Variants in AFF2 observed in about 807,000 individuals in gnomAD.
AFF2 encodes AF4/FMR2 family member 2.
In AFF2, 14 loss-of-function variants were observed where a neutral mutation model predicts 76.9. That is an observed-to-expected ratio of 0.18 (90% CI 0.12 to 0.28). AFF2 has a LOEUF of 0.28. Among genes scored for constraint, AFF2 ranks in the 10% least tolerant of loss-of-function variants. The probability of loss-of-function intolerance (pLI) is 1.00; values close to 1 mark genes in which losing one functional copy is unlikely to be tolerated. For synonymous variants in AFF2, 398 were observed against 366.7 expected (o/e 1.09, Z -0.98); for missense variants, 868 against 1,001.1 (o/e 0.87, Z 1.79).
intron 3 of AFF2, among the ~76,000 whole-genome samples, chrX:148,701,280 T>C (rs1557261858): frequency 2.7e-5 from 3 of 111,724 alleles, no homozygotes; most frequent in African/African-American, 9.8e-5. Context: ...GTGTGGAAAA[T>C]GTTCGACCCA....
chrX:148,798,107 C>G (rs1480404898), intron 3 of AFF2, among the ~76,000 whole-genome samples: 1 of 111,777 alleles, frequency 8.9e-6, no homozygotes, highest in Non-Finnish European at 1.9e-5. Flanking sequence ...GGCCTTCTTT[C>G]TGCATTATAA....
chrX:148,611,040 T>C (rs1004096763), intron 1 of AFF2, among the ~76,000 whole-genome samples: 1 of 111,812 alleles, frequency 8.9e-6, no homozygotes, highest in Non-Finnish European at 1.9e-5. Flanking sequence ...GTTTTTCAAA[T>C]ATTGCTCTGT....
Position 148,587,588 on chromosome X carries a change from G to T in AFF2, c.48-64411G>T, listed in dbSNP as rs1344495949. ...GAATACTATATCTTGAAAAAGGCCT[G>T]TAGTGAAAGTTTGAGTTGAACCCTT... On this transcript the variant is annotated intron_variant, in intron 1 of 20. Transcript: ENST00000370460. 3.1e-4 allele frequency among the ~76,000 whole-genome samples: 35 copies of T among 112,041 alleles called. 2 individuals are homozygous for T. The highest frequency in any genetic ancestry group is 3.1e-3 in the Admixed American group (33 of 10,601).
chrX:148,854,664 C>A (rs781938583), intron 7 of AFF2, among the ~76,000 whole-genome samples: 2 of 111,482 alleles, frequency 1.8e-5, no homozygotes, highest in African/African-American at 6.5e-5. Flanking sequence ...GGCATAAAAG[C>A]TGAGATCATA....
At chrX:148,680,716 A>G (rs1217836701) in intron 3 of AFF2, among the ~76,000 whole-genome samples, 1 of 111,479 alleles carries the variant, frequency 9.0e-6, no homozygotes, top group Non-Finnish European at 1.9e-5. Context: ...AAAATGAAGT[A>G]AAAAATCAGG....
intron 1 of AFF2, among the ~76,000 whole-genome samples, chrX:148,629,240 G>A (rs577547729): frequency 6.5e-4 from 72 of 110,646 alleles, no homozygotes; most frequent in Middle Eastern, 9.4e-3. Context: ...CTCTGAAAGC[G>A]TACTTTCAAC....
intron 19 of AFF2, among the ~76,000 whole-genome samples, chrX:148,982,418 G>T (rs1235651494): frequency 8.9e-6 from 1 of 112,162 alleles, no homozygotes; most frequent in Non-Finnish European, 1.9e-5. Context: ...CAGTCCAGTG[G>T]AAGGAGGTGA....
At chrX:148,703,429 C>G (rs945583108) in intron 3 of AFF2, among the ~76,000 whole-genome samples, 1 of 111,859 alleles carries the variant, frequency 8.9e-6, no homozygotes, top group Non-Finnish European at 1.9e-5. Context: ...ATATCTGTTT[C>G]CCACGTTTCA....
intron 3 of AFF2, among the ~76,000 whole-genome samples, chrX:148,693,186 G>GGATT (rs1369994168): frequency 9.0e-6 from 1 of 111,389 alleles, no homozygotes; most frequent in African/African-American, 3.3e-5. Context: ...CAAAGTGCTG[G>GGATT]GATTACAGGC....
chrX:148,953,817 A>C, intron 10 of AFF2, 78 bp downstream of exon 10: 1 of 646,089 alleles, frequency 1.5e-6, no homozygotes, highest in Non-Finnish European at 2.3e-6. Context: ...ACACACAGAC[A>C]CACACACACA....
chrX:148,689,976 C>A (rs998876162), intron 3 of AFF2, among the ~76,000 whole-genome samples: 2 of 112,066 alleles, frequency 1.8e-5, no homozygotes, highest in Admixed American at 9.5e-5. Flanking sequence ...CTCAAGTATT[C>A]TTTCTGTATA....
intron 9 of AFF2, 89 bp from the exon 10 acceptor site, chrX:148,953,491 A>T: frequency 9.8e-7 from 1 of 1,019,226 alleles, no homozygotes; most frequent in Non-Finnish European, 1.3e-6. Flanking sequence ...CCTGCATTTC[A>T]CAGACCACAG....
intron 1 of AFF2, among the ~76,000 whole-genome samples, chrX:148,633,164 G>A (rs2053996549): frequency 1.8e-5 from 2 of 111,297 alleles, no homozygotes; most frequent in Non-Finnish European, 3.8e-5. Flanking sequence ...AATACAAGAT[G>A]GTGTAGTATT....
chrX:148,715,653 T>C (rs782253299), intron 3 of AFF2, among the ~76,000 whole-genome samples: 26 of 112,020 alleles, frequency 2.3e-4, no homozygotes, highest in Non-Finnish European at 3.4e-4. Flanking sequence ...ATTCTACTTA[T>C]AGACTTGAAT....
intron 3 of AFF2, among the ~76,000 whole-genome samples, chrX:148,809,425 G>A (rs781832222): frequency 3.6e-5 from 4 of 112,294 alleles, no homozygotes; most frequent in Admixed American, 9.4e-5. Context: ...TACACAGGCC[G>A]TTATCCTTAG....
Position 148,980,777 on chromosome X carries a change from G to T in AFF2, c.3610G>T (p.Val1204Leu), listed in dbSNP as rs1557290789. 1 of 1,191,538 alleles carries T rather than the reference G, an allele frequency of 8.4e-7. No homozygotes were observed. The highest frequency in any genetic ancestry group is 1.1e-6 in the Non-Finnish European group (1 of 882,510). ...SKVAQIPSPW[V>L]SNGKNTPSPV... ...AGTCGCACAGATACCCTCTCCATGGGTAAGCAATGGAAAGTAAGTATTTTC... is the reference window on the plus strand; with the variant it reads ...AGTCGCACAGATACCCTCTCCATGGTTAAGCAATGGAAAGTAAGTATTTTC... The change falls in exon 19 of 21, where the codon GTA becomes TTA. Residue 1204 changes from valine to leucine, a missense_variant. Around this residue, in one of 6 missense-constraint regions of AFF2, gnomAD observed 46 missense variants for 40.8 expected, o/e 1.13. Transcript: ENST00000370460.
chrX:148,510,945 A>G (rs373720123), intron 1 of AFF2, among the ~76,000 whole-genome samples: 15 of 112,399 alleles, frequency 1.3e-4, no homozygotes, highest in African/African-American at 4.5e-4. Context: ...GAGAAGTGCT[A>G]AAATCACAAT....
intron 15 of AFF2, among the ~76,000 whole-genome samples, chrX:148,970,593 G>C (rs183507535): frequency 3.8e-4 from 42 of 111,824 alleles, no homozygotes; most frequent in Non-Finnish European, 7.7e-4. Flanking sequence ...ACATAAAAAA[G>C]AAATCAGTAT....
At chrX:148,898,202 G>A (rs1170043122) in intron 8 of AFF2, among the ~76,000 whole-genome samples, 1 of 111,813 alleles carries the variant, frequency 8.9e-6, no homozygotes, top group Non-Finnish European at 1.9e-5. Flanking sequence ...TGGCTTCCAT[G>A]GTAGTGAAAT....
Sources: gnomAD v4.1 joint callset for allele counts (sites outside exome capture counted in the v4.1 genomes callset) on GRCh38, gnomAD v4.1.1 for gene constraint, gnomAD v4.1.1 regional missense constraint, MANE v1.5 for transcripts, NCBI Gene and HGNC (gene_info 2026-07-23, HGNC 2026-07-21) for gene names.